MAF: variants seen among roughly 807,000 people sequenced by gnomAD.
The protein encoded by MAF is MAF bZIP transcription factor, also known as transcription factor Maf.
MAF carries 10 observed loss-of-function variants against 22.0 expected under a neutral mutation model. That is an observed-to-expected ratio of 0.45 (90% CI 0.28 to 0.77). The LOEUF (loss-of-function observed/expected upper bound fraction) is 0.77. Among genes scored for constraint, MAF ranks in the 30% least tolerant of loss-of-function variants. The pLI, the probability that MAF is intolerant of heterozygous loss-of-function variation, is 0.12. For missense variants in MAF, 544 were observed against 548.4 expected, an observed-to-expected ratio of 0.99 and a Z score of 0.08; for synonymous variants, 337 against 255.8, an observed-to-expected ratio of 1.32 and a Z score of -3.03.
At chr16:79,474,016 A>G in the MAF span, among the ~76,000 whole-genome samples, 4 of 152,060 alleles carry the variant, frequency 2.6e-5, no homozygotes, top group Non-Finnish European at 1.5e-5. Context: ...TCTTATGTCT[A>G]TAAGGAAAGG....
chr16:79,575,593 G>A, the MAF span, among the ~76,000 whole-genome samples: 3 of 152,180 alleles, frequency 2.0e-5, no homozygotes, highest in African/African-American at 7.2e-5. Context: ...GGACCCAGGG[G>A]TGATGGTGGG....
the MAF span, among the ~76,000 whole-genome samples, chr16:79,443,332 C>A: frequency 2.9e-3 from 435 of 152,278 alleles, 1 homozygote; most frequent in African/African-American, 9.5e-3. Context: ...CTGCCTAATA[C>A]AAGTATTTCA....
At chr16:79,361,049 C>G in the MAF span, among the ~76,000 whole-genome samples, 1 of 152,226 alleles carries the variant, frequency 6.6e-6, no homozygotes, top group Non-Finnish European at 1.5e-5. Flanking sequence ...CCAGCACACA[C>G]TATTCCTTTG....
At chr16:79,589,721 C>G (rs1199879889), downstream of MAF, among the ~76,000 whole-genome samples, 1 of 152,156 alleles carries the variant, frequency 6.6e-6, no homozygotes, top group South Asian at 2.1e-4. Flanking sequence ...TGATATCCCC[C>G]GGAGCTCGCT....
At chr16:79,502,708 AATATATATATATATATATAT>A in the MAF span, among the ~76,000 whole-genome samples, 532 of 33,992 alleles carry the variant, frequency 0.016, 28 homozygotes, top group African/African-American at 0.045. Context: ...TATAAATATA[AATATATATATATATATATAT>A]ATATATATAT....
the MAF span, among the ~76,000 whole-genome samples, chr16:79,574,493 C>T: frequency 6.6e-6 from 1 of 152,288 alleles, no homozygotes; most frequent in South Asian, 2.1e-4. Flanking sequence ...ATTCTAACAC[C>T]TCAAAATCGT....
At chr16:79,297,315 A>AATG in the MAF span, among the ~76,000 whole-genome samples, 1 of 152,246 alleles carries the variant, frequency 6.6e-6, no homozygotes, top group Non-Finnish European at 1.5e-5. Flanking sequence ...AGAAAATAGC[A>AATG]AAACGGCGGC....
the MAF span, among the ~76,000 whole-genome samples, chr16:79,378,393 T>C: frequency 1.3e-5 from 2 of 152,212 alleles, no homozygotes; most frequent in Non-Finnish European, 2.9e-5. Flanking sequence ...TTTATTCTAT[T>C]ATTATAAAAA....
At chr16:79,275,976 C>A in the MAF span, among the ~76,000 whole-genome samples, 1 of 152,082 alleles carries the variant, frequency 6.6e-6, no homozygotes, top group Non-Finnish European at 1.5e-5. Flanking sequence ...CCTGTCTCTA[C>A]TAAAAATACA....
At chr16:79,374,132 T>C in the MAF span, among the ~76,000 whole-genome samples, 2 of 152,210 alleles carry the variant, frequency 1.3e-5, no homozygotes, top group African/African-American at 2.4e-5. Context: ...GAAGGTACCC[T>C]GGGGTCTTTG....
the MAF span, among the ~76,000 whole-genome samples, chr16:79,502,770 C>T: frequency 7.9e-6 from 1 of 126,450 alleles, no homozygotes; most frequent in African/African-American, 3.2e-5. Flanking sequence ...CTCATTAGCT[C>T]AATGAGGGTT....
the MAF span, among the ~76,000 whole-genome samples, chr16:79,537,975 T>G: frequency 6.6e-6 from 1 of 152,190 alleles, no homozygotes; most frequent in Non-Finnish European, 1.5e-5. Context: ...ATAAAATAAC[T>G]TTGTTCTATA....
chr16:79,396,547 T>C, the MAF span, among the ~76,000 whole-genome samples: 1 of 152,088 alleles, frequency 6.6e-6, no homozygotes. Flanking sequence ...AATATGAGGG[T>C]TCTAGAATGT....
the MAF span, among the ~76,000 whole-genome samples, chr16:79,517,219 A>G: frequency 6.6e-6 from 1 of 152,142 alleles, no homozygotes; most frequent in Admixed American, 6.5e-5. Context: ...TTCCTCTGTT[A>G]GAGGAAAAAG....
At chr16:79,526,436 C>A in the MAF span, among the ~76,000 whole-genome samples, 1 of 152,130 alleles carries the variant, frequency 6.6e-6, no homozygotes, top group Admixed American at 6.5e-5. Flanking sequence ...GCTGTATATA[C>A]ACGTGAAGCT....
At chr16:79,440,146 G>A in the MAF span, among the ~76,000 whole-genome samples, 4 of 152,210 alleles carry the variant, frequency 2.6e-5, no homozygotes, top group South Asian at 2.1e-4. Flanking sequence ...CCACCTGGAT[G>A]CAGGAAGGAA....
the MAF span, among the ~76,000 whole-genome samples, chr16:79,546,190 C>T: frequency 6.6e-6 from 1 of 152,050 alleles, no homozygotes; most frequent in South Asian, 2.1e-4. Flanking sequence ...CAAAAAAGTT[C>T]TATCATTGTG....
chr16:79,379,966 A>C, the MAF span, among the ~76,000 whole-genome samples: 29 of 152,284 alleles, frequency 1.9e-4, 1 homozygote, highest in Middle Eastern at 3.4e-3. Flanking sequence ...ATCCCCCAGA[A>C]TGTGGGGAAA....
chr16:79,374,723 G>A, the MAF span, among the ~76,000 whole-genome samples: 2 of 152,158 alleles, frequency 1.3e-5, no homozygotes, highest in African/African-American at 4.8e-5. Context: ...AGAGAAATGA[G>A]CAAGCTGAGT....
Sources: gnomAD v4.1 joint callset for allele counts (sites outside exome capture counted in the v4.1 genomes callset) on GRCh38, gnomAD v4.1.1 for gene constraint, MANE v1.5 for transcripts, NCBI Gene and HGNC (gene_info 2026-07-23, HGNC 2026-07-21) for gene names.